The following TASP1 variants were observed in gnomAD, a reference collection of about 807,000 sequenced individuals.
The protein encoded by TASP1 is taspase 1.
Under a neutral mutation model 56.6 loss-of-function variants are expected in TASP1, and 16 were observed. The observed-to-expected ratio is 0.28, with a 90% confidence interval of 0.19 to 0.43. TASP1 has a LOEUF of 0.43. TASP1 is among the 20% of genes least tolerant of loss of function. TASP1 has a pLI of 1.00. For synonymous variants in TASP1, 179 were observed against 184.2 expected, an observed-to-expected ratio of 0.97 and a Z score of 0.23; for missense variants, 393 against 511.6, an observed-to-expected ratio of 0.77 and a Z score of 2.24.
At chr20:13,470,491 AT>A (rs2044447209) in intron 11 of TASP1, among the ~76,000 whole-genome samples, 1 of 152,118 alleles carries the variant, frequency 6.6e-6, no homozygotes, top group Admixed American at 6.6e-5. Context: ...CATTCTATAC[AT>A]TTTATAAAAC....
At chr20:13,498,888 T>C (rs2043838626) in intron 10 of TASP1, among the ~76,000 whole-genome samples, 1 of 151,014 alleles carries the variant, frequency 6.6e-6, no homozygotes, top group Non-Finnish European at 1.5e-5. Context: ...TCAACCACTG[T>C]GGAAAGCAGT....
At chr20:13,504,104 A>G (rs1316449364) in intron 10 of TASP1, among the ~76,000 whole-genome samples, 1 of 152,154 alleles carries the variant, frequency 6.6e-6, no homozygotes, top group Non-Finnish European at 1.5e-5. Context: ...AAGAAGCTCA[A>G]ATGTCTCTAA....
the TASP1 span, among the ~76,000 whole-genome samples, chr20:13,231,001 C>A: frequency 6.6e-6 from 1 of 152,098 alleles, no homozygotes; most frequent in Admixed American, 6.5e-5. Context: ...GATAATGTAC[C>A]CTTCTGGCTC....
intron 11 of TASP1, among the ~76,000 whole-genome samples, chr20:13,437,036 C>T (rs1318086656): frequency 6.6e-6 from 1 of 151,974 alleles, no homozygotes; most frequent in African/African-American, 2.4e-5. Flanking sequence ...GATACCAAAG[C>T]CTGGCAGAGA....
chr20:13,262,593 C>T, the TASP1 span, among the ~76,000 whole-genome samples: 7 of 151,944 alleles, frequency 4.6e-5, no homozygotes, highest in African/African-American at 1.7e-4. Flanking sequence ...TAAAAGAAAT[C>T]GGTCCTGGAA....
intron 9 of TASP1, among the ~76,000 whole-genome samples, chr20:13,531,873 A>C (rs1176024283): frequency 6.6e-6 from 1 of 152,132 alleles, no homozygotes; most frequent in Non-Finnish European, 1.5e-5. Flanking sequence ...CATGTTGGCC[A>C]AGCTGGTCTT....
At chr20:13,230,658 A>G in the TASP1 span, among the ~76,000 whole-genome samples, 12 of 151,980 alleles carry the variant, frequency 7.9e-5, no homozygotes, top group African/African-American at 2.9e-4. Flanking sequence ...CAAAGACAGG[A>G]GATAATTTAG....
chr20:13,544,053 G>A (rs1005878473), intron 8 of TASP1, among the ~76,000 whole-genome samples: 3 of 152,070 alleles, frequency 2.0e-5, no homozygotes, highest in East Asian at 1.9e-4. Flanking sequence ...CCCATTTCTC[G>A]TAATATGGGA....
At chr20:13,290,672 A>G in the TASP1 span, among the ~76,000 whole-genome samples, 1 of 152,206 alleles carries the variant, frequency 6.6e-6, no homozygotes, top group Non-Finnish European at 1.5e-5. Flanking sequence ...CAAAAAAAGA[A>G]AGAAAGAAAA....
chr20:13,374,819 G>A, the TASP1 span, among the ~76,000 whole-genome samples: 2 of 152,184 alleles, frequency 1.3e-5, no homozygotes, highest in African/African-American at 2.4e-5. Context: ...ACAGTGTAAA[G>A]CCTTGGCTGT....
At chr20:13,599,949 T>C (rs1166160947) in intron 4 of TASP1, among the ~76,000 whole-genome samples, 1 of 152,138 alleles carries the variant, frequency 6.6e-6, no homozygotes, top group Non-Finnish European at 1.5e-5. Flanking sequence ...AGTAAGCTCA[T>C]AGGATACAAG....
the TASP1 span, among the ~76,000 whole-genome samples, chr20:13,264,888 A>T: frequency 6.6e-6 from 1 of 152,160 alleles, no homozygotes; most frequent in Non-Finnish European, 1.5e-5. Context: ...GATGAGAATG[A>T]GGAAGGAGGG....
chr20:13,270,767 G>A, the TASP1 span: 1 of 1,605,934 alleles, frequency 6.2e-7, no homozygotes, highest in African/African-American at 1.3e-5. Flanking sequence ...CCTGGAAGAT[G>A]GGAGATAACA....
At chr20:13,206,780 C>T in the TASP1 span, among the ~76,000 whole-genome samples, 6 of 152,198 alleles carry the variant, frequency 3.9e-5, no homozygotes, top group East Asian at 1.9e-4. Flanking sequence ...TACCATTTCT[C>T]GGCCAGAATT....
At chr20:13,508,871 C>T (rs545461254) in intron 10 of TASP1, among the ~76,000 whole-genome samples, 42 of 152,170 alleles carry the variant, frequency 2.8e-4, no homozygotes, top group African/African-American at 9.6e-4. Flanking sequence ...AAAAGGGAAC[C>T]CTTGTACACT....
At chr20:13,607,415 A>T (rs2048197198) in intron 4 of TASP1, among the ~76,000 whole-genome samples, 1 of 152,252 alleles carries the variant, frequency 6.6e-6, no homozygotes, top group Non-Finnish European at 1.5e-5. Flanking sequence ...AAAATAATAT[A>T]AGAACTGTTT....
intron 8 of TASP1, among the ~76,000 whole-genome samples, chr20:13,551,115 G>A (rs1459533852): frequency 5.3e-5 from 8 of 152,132 alleles, no homozygotes; most frequent in Non-Finnish European, 1.2e-4. Flanking sequence ...TCCCTATGTG[G>A]TGGCTAAAGA....
At chr20:13,595,755 A>G (rs1478544456) in intron 4 of TASP1, among the ~76,000 whole-genome samples, 1 of 152,228 alleles carries the variant, frequency 6.6e-6, no homozygotes, top group East Asian at 1.9e-4. Context: ...AAAGAGATTT[A>G]GACTCCCACA....
chr20:13,578,190 T>C (rs892615569), intron 6 of TASP1, among the ~76,000 whole-genome samples: 1 of 152,074 alleles, frequency 6.6e-6, no homozygotes, highest in Admixed American at 6.6e-5. Context: ...TACTTGAAAA[T>C]AGTGAAAATA....
Sources: allele counts gnomAD v4.1 joint callset (sites outside exome capture counted in the v4.1 genomes callset), GRCh38; gene constraint gnomAD v4.1.1; transcripts MANE v1.5; gene names NCBI Gene and HGNC (gene_info 2026-07-23, HGNC 2026-07-21).